Variants in DLC1 observed in about 807,000 individuals in gnomAD.
The protein encoded by DLC1 is DLC1 Rho GTPase activating protein.
DLC1 carries 54 observed loss-of-function variants against 140.3 expected under a neutral mutation model. The ratio of observed to expected loss-of-function variants is 0.38; its 90% CI spans 0.31 to 0.48. DLC1 has a LOEUF of 0.48. Ranked by LOEUF, DLC1 falls within the 20% of genes least tolerant of loss-of-function variation. DLC1 has a pLI of 0.96. For synonymous variants in DLC1, 986 were observed against 728.1 expected (o/e 1.35, Z -5.70); for missense variants, 2,536 against 1,907.0 (o/e 1.33, Z -6.14).
At chr8:13,340,701 G>T (rs957348315) in intron 4 of DLC1, 3 of 152,164 alleles carry the variant, frequency 2.0e-5, no homozygotes, top group South Asian at 2.1e-4. Flanking sequence ...AGTGGCTATT[G>T]TTTTATTGTT....
At chr8:13,118,390 T>G (rs1322772116) in intron 5 of DLC1, among the ~76,000 whole-genome samples, 1 of 152,196 alleles carries the variant, frequency 6.6e-6, no homozygotes, top group African/African-American at 2.4e-5. Context: ...GATCTAGTCA[T>G]CTTATCCTTT....
chr8:13,283,391 A>C (rs1831433964), intron 5 of DLC1, among the ~76,000 whole-genome samples: 1 of 152,106 alleles, frequency 6.6e-6, no homozygotes. Context: ...GTAATCTCTG[A>C]GAGAAGGTTT....
At chr8:13,267,387 A>G (rs1432947722) in intron 5 of DLC1, among the ~76,000 whole-genome samples, 1 of 151,932 alleles carries the variant, frequency 6.6e-6, no homozygotes, top group African/African-American at 2.4e-5. Context: ...CCTCTAGGAT[A>G]TAGTAATCAA....
At position 13,278,206 on chromosome 8, in the gene DLC1, C is replaced by T. The variant is rs192327660; in HGVS notation, c.1348+27063G>A. On this transcript the variant is annotated intron_variant, in intron 5 of 17. Coordinates refer to ENST00000276297, the MANE Select transcript of DLC1 (RefSeq NM_182643.3). ...CTAACTGCTGATGTAGACAGACCTC[C>T]GTGCCTGCACGGGCCAATTCCAAAT... Among the ~76,000 whole-genome samples, 9 of 152,306 alleles carry T rather than the reference C, an allele frequency of 5.9e-5. No homozygotes were observed. In the East Asian group the frequency reaches 7.7e-4, roughly 13 times the overall value.
At position 13,099,648 on chromosome 8, in the gene DLC1, G is replaced by C; in HGVS notation, c.2689C>G (p.Leu897Val). 6.2e-7 allele frequency: 1 copy of C among 1,614,184 alleles called. No homozygotes were observed. ...LYSSSGDLADLENEDIFPELD... is the reference protein window; with the variant it reads ...LYSSSGDLADVENEDIFPELD... ...TCGGGGAAGATGTCCTCGTTCTCCA[G>C]ATCCGCCAGGTCCCCTGAACTGGAG... Residue 897 changes from leucine to valine, a missense_variant, in exon 9 of 18, where the codon CTG becomes GTG. Physicochemically the swap from Leu to Val is conservative, Grantham distance 32 (BLOSUM62 1). Transcript: ENST00000276297.
Position 13,503,400 on chromosome 8 carries a change from T to A in DLC1, c.-125-3204A>T, listed in dbSNP as rs954275769. ...GCCTGGGTGATAGAGCAAAAAAAAA[T>A]AATAATAAATTAAACAAATTAAATG... is the stretch of plus-strand genomic sequence containing the variant. On this transcript the variant is annotated intron_variant, in intron 1 of 17. Coordinates refer to ENST00000276297, the MANE Select transcript of DLC1 (RefSeq NM_182643.3). Among the ~76,000 whole-genome samples the A allele has an allele frequency of 6.5e-4, 98 of 151,894 alleles. 1 individual carries two copies. The highest frequency in any genetic ancestry group is 2.1e-4 in the South Asian group (1 of 4,818).
At chr8:13,436,424 G>A (rs1166650731) in intron 2 of DLC1, among the ~76,000 whole-genome samples, 2 of 152,146 alleles carry the variant, frequency 1.3e-5, no homozygotes, top group African/African-American at 2.4e-5. Flanking sequence ...TCTCTGAAAT[G>A]AGAAACCTTG....
intron 5 of DLC1, among the ~76,000 whole-genome samples, chr8:13,167,365 G>A (rs1338639509): frequency 6.6e-6 from 1 of 152,104 alleles, no homozygotes; most frequent in African/African-American, 2.4e-5. Context: ...TTTAGTAAGC[G>A]ACTCTGATTA....
At chr8:13,359,903 A>G (rs1300723722) in intron 4 of DLC1, among the ~76,000 whole-genome samples, 1 of 152,218 alleles carries the variant, frequency 6.6e-6, no homozygotes, top group African/African-American at 2.4e-5. Context: ...ATAAATGTTC[A>G]GGATATTGCA....
At chr8:13,395,587 A>G (rs1169401383) in intron 3 of DLC1, among the ~76,000 whole-genome samples, 2 of 152,206 alleles carry the variant, frequency 1.3e-5, no homozygotes, top group Non-Finnish European at 2.9e-5. Context: ...ACTGACAAAT[A>G]TTAATACCTT....
intron 4 of DLC1, among the ~76,000 whole-genome samples, chr8:13,358,517 T>C (rs1479980675): frequency 6.6e-6 from 1 of 152,210 alleles, no homozygotes; most frequent in Non-Finnish European, 1.5e-5. Context: ...CACCTAGTAT[T>C]TTTCTAGTCT....
At chr8:13,369,937 G>GA (rs1263489753) in intron 4 of DLC1, among the ~76,000 whole-genome samples, 2 of 150,554 alleles carry the variant, frequency 1.3e-5, no homozygotes, top group Non-Finnish European at 3.0e-5. Context: ...ATGGAAAAAG[G>GA]AAAAAAAAGT....
chr8:13,088,871 T>A (rs1315595123), intron 15 of DLC1, 167 bp from the exon 16 acceptor site: 7 of 574,748 alleles, frequency 1.2e-5, no homozygotes, highest in South Asian at 2.7e-5. Flanking sequence ...TATTGGGGGC[T>A]AATAAATCTA....
At chr8:13,478,763 C>T (rs1800552123) in intron 2 of DLC1, among the ~76,000 whole-genome samples, 4 of 152,106 alleles carry the variant, frequency 2.6e-5, no homozygotes, top group African/African-American at 9.7e-5. Context: ...AAAAAAATCC[C>T]TCTCTGGCTT....
At chr8:13,481,996 G>A (rs1398924126) in intron 2 of DLC1, among the ~76,000 whole-genome samples, 1 of 152,166 alleles carries the variant, frequency 6.6e-6, no homozygotes, top group East Asian at 1.9e-4. Flanking sequence ...GAAGCTAGGG[G>A]AGTGTAAAGG....
intron 5 of DLC1, among the ~76,000 whole-genome samples, chr8:13,116,446 T>C (rs368119999): frequency 6.6e-5 from 10 of 152,296 alleles, no homozygotes; most frequent in African/African-American, 2.2e-4. Flanking sequence ...GTGTCTCTGC[T>C]TGCACAAAGA....
intron 4 of DLC1, among the ~76,000 whole-genome samples, chr8:13,382,532 A>AAGAAT (rs1836322416): frequency 6.8e-6 from 1 of 146,966 alleles, no homozygotes; most frequent in Non-Finnish European, 1.5e-5. Flanking sequence ...AAAAAAAAAA[A>AAGAAT]GAAAGAGGAG....
chr8:13,090,853 G>A (rs945136790), intron 14 of DLC1, among the ~76,000 whole-genome samples: 2 of 150,058 alleles, frequency 1.3e-5, no homozygotes, highest in African/African-American at 2.5e-5. Context: ...TTACCTAGTG[G>A]AGTGCAGTGG....
intron 2 of DLC1, among the ~76,000 whole-genome samples, chr8:13,442,974 A>T (rs2116929560): frequency 6.6e-6 from 1 of 152,256 alleles, no homozygotes. Context: ...ACAATGATAG[A>T]CTGGATTAAG....
Sources: gnomAD v4.1 joint callset for allele counts (sites outside exome capture counted in the v4.1 genomes callset) on GRCh38, gnomAD v4.1.1 for gene constraint, MANE v1.5 for transcripts, NCBI Gene and HGNC (gene_info 2026-07-23, HGNC 2026-07-21) for gene names.